Variants in MAGI1 observed in about 807,000 individuals in gnomAD.
MAGI1 encodes membrane-associated guanylate kinase, WW and PDZ domain-containing protein 1.
Under a neutral mutation model 139.9 loss-of-function variants are expected in MAGI1, and 58 were observed. That is an observed-to-expected ratio of 0.41 (90% CI 0.34 to 0.52). The LOEUF is 0.52. MAGI1 is among the 20% of genes least tolerant of loss of function. MAGI1 has a pLI of 0.12. For synonymous variants in MAGI1, 812 were observed against 737.9 expected, an observed-to-expected ratio of 1.10 and a Z score of -1.63; for missense variants, 1,874 against 1,901.6, an observed-to-expected ratio of 0.99 and a Z score of 0.27.
chr3:65,406,108 T>C (rs775373960), intron 12 of MAGI1, among the ~76,000 whole-genome samples: 2 of 152,170 alleles, frequency 1.3e-5, no homozygotes, highest in Admixed American at 6.5e-5. Flanking sequence ...CATTGATCTC[T>C]ATATCCTCCA....
chr3:65,917,981 T>A (rs573209050), intron 1 of MAGI1, among the ~76,000 whole-genome samples: 1 of 152,148 alleles, frequency 6.6e-6, no homozygotes, highest in Non-Finnish European at 1.5e-5. Context: ...TGTACCACCT[T>A]GGTGGGGGAC....
At chr3:65,562,531 C>T (rs1399286968) in intron 2 of MAGI1, among the ~76,000 whole-genome samples, 1 of 152,050 alleles carries the variant, frequency 6.6e-6, no homozygotes, top group Non-Finnish European at 1.5e-5. Flanking sequence ...CTCTGTTTCC[C>T]AGGCTATAGT....
At chr3:65,488,764 C>T (rs557476490) in intron 3 of MAGI1, among the ~76,000 whole-genome samples, 1 of 151,648 alleles carries the variant, frequency 6.6e-6, no homozygotes, top group Non-Finnish European at 1.5e-5. Flanking sequence ...TCGAACTTCC[C>T]AGGATCAGGG....
At chr3:65,510,789 A>G (rs2077548192) in intron 2 of MAGI1, among the ~76,000 whole-genome samples, 1 of 140,642 alleles carries the variant, frequency 7.1e-6, no homozygotes, top group African/African-American at 2.7e-5. Context: ...ATTCAGATTC[A>G]GGAAATACAG....
At chr3:66,029,801 T>C (rs2068497302) in intron 1 of MAGI1, among the ~76,000 whole-genome samples, 1 of 152,170 alleles carries the variant, frequency 6.6e-6, no homozygotes, top group Admixed American at 6.6e-5. Context: ...GGACTGAAAG[T>C]GGACTGAGGC....
rs1040637010 is a variant in MAGI1, at chr3:65,615,843, T to G, written c.430+6129A>C. Among the ~76,000 whole-genome samples the G allele has an allele frequency of 3.3e-5, 5 of 152,186 alleles. No individual in the cohort carries two copies. In the East Asian group the frequency reaches 9.6e-4, roughly 29 times the overall value. On this transcript the variant is annotated intron_variant, in intron 2 of 22. Coordinates refer to ENST00000402939, the MANE Select transcript of MAGI1 (RefSeq NM_001033057.2). The stretch of plus-strand genomic sequence containing the variant: ...TACTTCGCGAAACATAAATCATAGC[T>G]CACCTTATACATGGTGAAATAGGAA...
intron 1 of MAGI1, among the ~76,000 whole-genome samples, chr3:65,996,845 C>T (rs537299618): frequency 1.2e-4 from 19 of 152,280 alleles, no homozygotes; most frequent in Middle Eastern, 3.4e-3. Context: ...AGGCCCCGGG[C>T]GGCCAAGATA....
intron 1 of MAGI1, among the ~76,000 whole-genome samples, chr3:65,854,118 GT>G (rs2059296050): frequency 6.7e-6 from 1 of 149,900 alleles, no homozygotes; most frequent in African/African-American, 2.5e-5. Flanking sequence ...AAAAAAAAAA[GT>G]TGCCCTGACA....
chr3:65,692,781 G>A (rs2088794737), intron 1 of MAGI1, among the ~76,000 whole-genome samples: 1 of 152,136 alleles, frequency 6.6e-6, no homozygotes, highest in Non-Finnish European at 1.5e-5. Context: ...AAACCAGTTT[G>A]GCTGTCTCTT....
At chr3:65,965,432 A>G (rs1011573227) in intron 1 of MAGI1, among the ~76,000 whole-genome samples, 2 of 152,254 alleles carry the variant, frequency 1.3e-5, no homozygotes, top group Non-Finnish European at 2.9e-5. Flanking sequence ...AACTAAAAGC[A>G]AATACATTGA....
chr3:65,575,966 G>A (rs923901394), intron 2 of MAGI1, among the ~76,000 whole-genome samples: 10 of 152,160 alleles, frequency 6.6e-5, no homozygotes, highest in Admixed American at 5.2e-4. Flanking sequence ...GCTAATGTAT[G>A]TTCGTTTTCT....
At position 65,543,784 on chromosome 3, in the gene MAGI1, G is replaced by A. The variant is rs148897543; in HGVS notation, c.431-50153C>T. On this transcript the variant is annotated intron_variant, in intron 2 of 22. Coordinates refer to ENST00000402939, the MANE Select transcript of MAGI1 (RefSeq NM_001033057.2). ...GGGGGGTACAAGAGGGATAGCATTTGGAGAAATACCTAATGTAGATGATGG... is the reference window on the plus strand; with the variant it reads ...GGGGGGTACAAGAGGGATAGCATTTAGAGAAATACCTAATGTAGATGATGG... Among the ~76,000 whole-genome samples, 5 of 152,118 alleles carry A rather than the reference G, an allele frequency of 3.3e-5. No individual in the cohort carries two copies. The East Asian group carries it at 9.7e-4, about 29-fold the overall frequency.
rs1952214367 is a variant in MAGI1 at position 65,493,639 on chromosome 3, A to G, written c.431-8T>C. On this transcript the variant is annotated splice_polypyrimidine_tract_variant and splice_region_variant and intron_variant, in intron 2 of 22. Transcript: ENST00000402939. ...TGGGAGATCGGGTTGTGCCTGTAGC[A>G]GAAAATACAAAGGCACAACAAACCA... 6.2e-7 allele frequency: 1 copy of G among 1,613,836 alleles called. No homozygotes were observed. The highest frequency in any genetic ancestry group is 8.5e-7 in the Non-Finnish European group (1 of 1,180,016).
intron 1 of MAGI1, among the ~76,000 whole-genome samples, chr3:65,813,074 A>G (rs748415518): frequency 3.3e-5 from 5 of 152,128 alleles, no homozygotes; most frequent in Non-Finnish European, 2.9e-5. Flanking sequence ...GAGAAGCAAC[A>G]TAAAAATACA....
intron 1 of MAGI1, among the ~76,000 whole-genome samples, chr3:66,027,036 G>A (rs1266441447): frequency 2.0e-5 from 3 of 151,718 alleles, no homozygotes; most frequent in South Asian, 2.1e-4. Context: ...TTGGGAGGCC[G>A]AGGCGGGCGG....
intron 1 of MAGI1, among the ~76,000 whole-genome samples, chr3:65,841,487 G>C (rs1361332294): frequency 6.6e-6 from 1 of 151,282 alleles, no homozygotes; most frequent in African/African-American, 2.4e-5. Flanking sequence ...GAGTACAGTG[G>C]TGCGATCTTA....
intron 1 of MAGI1, among the ~76,000 whole-genome samples, chr3:65,906,764 T>C (rs373867384): frequency 9.9e-5 from 15 of 151,766 alleles, no homozygotes; most frequent in Middle Eastern, 6.8e-3. Context: ...TGGGCACCTA[T>C]AATCCCAGCT....
At chr3:65,934,646 GGT>G in intron 1 of MAGI1, among the ~76,000 whole-genome samples, 1 of 146,862 alleles carries the variant, frequency 6.8e-6, no homozygotes, top group African/African-American at 2.6e-5. Flanking sequence ...GCCATTTAAT[GGT>G]GCCAGATTGT....
intron 1 of MAGI1, among the ~76,000 whole-genome samples, chr3:65,773,632 G>A (rs539743913): frequency 6.6e-6 from 1 of 152,276 alleles, no homozygotes; most frequent in South Asian, 2.1e-4. Flanking sequence ...GTCTGGCTGT[G>A]ATGCTAATGT....
Sources: gnomAD v4.1 joint callset for allele counts (sites outside exome capture counted in the v4.1 genomes callset) on GRCh38, gnomAD v4.1.1 for gene constraint, MANE v1.5 for transcripts, NCBI Gene and HGNC (gene_info 2026-07-23, HGNC 2026-07-21) for gene names.